FSD2: variants seen among roughly 807,000 people sequenced by gnomAD.
The protein encoded by FSD2 is fibronectin type III and SPRY domain-containing protein 2.
FSD2 carries 71 observed loss-of-function variants against 80.4 expected under a neutral mutation model. The ratio of observed to expected loss-of-function variants is 0.88; its 90% CI spans 0.73 to 1.08. The LOEUF (loss-of-function observed/expected upper bound fraction) is 1.08, where lower values mean the gene tolerates loss of function less well. Ranked by LOEUF, FSD2 falls within the 50% of genes least tolerant of loss-of-function variation. The probability of loss-of-function intolerance (pLI) is 0.00; values close to 1 mark genes in which losing one functional copy is unlikely to be tolerated. For synonymous variants in FSD2, 361 were observed against 329.5 expected (o/e 1.10, Z -1.03); for missense variants, 923 against 913.8 (o/e 1.01, Z -0.13).
chr15:82,797,241 C>T (rs2050297734), intron 1 of FSD2, among the ~76,000 whole-genome samples: 1 of 152,142 alleles, frequency 6.6e-6, no homozygotes, highest in Non-Finnish European at 1.5e-5. Flanking sequence ...CATGATAGAT[C>T]ACTATGTACT....
At chr15:82,794,843 G>C (rs1311322096) in intron 1 of FSD2, among the ~76,000 whole-genome samples, 3 of 151,526 alleles carry the variant, frequency 2.0e-5, no homozygotes, top group Admixed American at 6.6e-5. Context: ...TCCTGCCTCA[G>C]CCTCCCGAGT....
intron 8 of FSD2, 116 bp downstream of exon 8, chr15:82,769,634 A>C: frequency 2.4e-6 from 3 of 1,259,206 alleles, no homozygotes; most frequent in Non-Finnish European, 3.2e-6. Context: ...AAAAAAATGT[A>C]CACAGCTCTT....
intron 11 of FSD2, among the ~76,000 whole-genome samples, chr15:82,764,156 G>A (rs577983144): frequency 2.0e-4 from 30 of 152,268 alleles, no homozygotes; most frequent in African/African-American, 6.7e-4. Context: ...ACAGGGTCTG[G>A]GGGCAGGGAA....
intron 1 of FSD2, among the ~76,000 whole-genome samples, chr15:82,802,587 G>C (rs1348507242): frequency 1.3e-5 from 2 of 152,170 alleles, no homozygotes; most frequent in African/African-American, 2.4e-5. Context: ...CATGGGGGAG[G>C]AAGAGTAGGA....
chr15:82,767,262 G>A (rs1857677194), intron 9 of FSD2, among the ~76,000 whole-genome samples: 1 of 152,192 alleles, frequency 6.6e-6, no homozygotes, highest in Non-Finnish European at 1.5e-5. Flanking sequence ...TAATGGTGGG[G>A]GCAGGATGGC....
intron 1 of FSD2, among the ~76,000 whole-genome samples, chr15:82,791,956 T>C (rs2050162641): frequency 6.6e-6 from 1 of 152,260 alleles, no homozygotes; most frequent in South Asian, 2.1e-4. Context: ...GTTGTATGGA[T>C]ATGCCATATT....
chr15:82,764,492 C>CTTTTTTTTTT (rs60095355), intron 11 of FSD2, among the ~76,000 whole-genome samples: 5,876 of 85,312 alleles, frequency 0.069, 814 homozygotes, highest in East Asian at 0.1. Context: ...TCTTTACTTG[C>CTTTTTTTTTT]TTTTTTTTTT....
intron 3 of FSD2, among the ~76,000 whole-genome samples, chr15:82,783,361 A>G (rs1253634968): frequency 6.6e-6 from 1 of 152,140 alleles, no homozygotes; most frequent in Non-Finnish European, 1.5e-5. Context: ...AGCCTCCCAA[A>G]GTGTTGGGAT....
intron 1 of FSD2, among the ~76,000 whole-genome samples, 177 bp downstream of exon 1, chr15:82,805,789 G>A (rs1015041632): frequency 6.6e-6 from 1 of 152,138 alleles, no homozygotes; most frequent in Admixed American, 6.5e-5. Context: ...CAGTTAATGC[G>A]AATTCTTGCT....
intron 1 of FSD2, among the ~76,000 whole-genome samples, chr15:82,799,059 G>C (rs2050349073): frequency 6.6e-6 from 1 of 151,706 alleles, no homozygotes. Flanking sequence ...TGTAATTTTT[G>C]TAGAGACACG....
At chr15:82,776,954 A>G (rs2049726707) in intron 6 of FSD2, among the ~76,000 whole-genome samples, 1 of 152,238 alleles carries the variant, frequency 6.6e-6, no homozygotes, top group Non-Finnish European at 1.5e-5. Context: ...TAAGGGTGAC[A>G]AGAACACACA....
intron 3 of FSD2, among the ~76,000 whole-genome samples, chr15:82,784,448 A>G (rs1001777081): frequency 6.6e-6 from 1 of 151,980 alleles, no homozygotes; most frequent in Non-Finnish European, 1.5e-5. Context: ...GGGTTTCACC[A>G]TCTTGGCTAG....
chr15:82,786,970 C>T lies in FSD2; in HGVS notation c.421G>A (p.Gly141Ser). The change falls in exon 2 of 13, where the codon GGC becomes AGC. Residue 141 changes from glycine (G) to serine (S), a missense_variant. Coordinates refer to ENST00000334574, the MANE Select transcript of FSD2 (RefSeq NM_001007122.4). ...DLGFGGWGSA[G>S]QCQDLREAYR... ...GCTTCCCGCAAGTCCTGGCACTGGC[C>T]TGCTGAGCCCCACCCTCCGAAGCCC... The T allele has an allele frequency of 1.2e-6, 2 of 1,614,012 alleles. No individual in the cohort carries two copies. Among genetic ancestry groups the T allele is most frequent in the Non-Finnish European group, 1.7e-6 (2 of 1,179,874 alleles).
chr15:82,791,780 C>T (rs2050157720), intron 1 of FSD2, among the ~76,000 whole-genome samples: 1 of 152,188 alleles, frequency 6.6e-6, no homozygotes, highest in Non-Finnish European at 1.5e-5. Context: ...AATCTACTTT[C>T]TGTCTCTATT....
At chr15:82,805,918 C>T (rs1479710690) in intron 1 of FSD2, 48 bp downstream of exon 1, 1 of 152,228 alleles carries the variant, frequency 6.6e-6, no homozygotes, top group African/African-American at 2.4e-5. Flanking sequence ...CATTGAGTTT[C>T]TAATAATACA....
rs188142222 is a variant in FSD2 at position 82,804,266 on chromosome 15, C to T, written c.-79+1700G>A. Among the ~76,000 whole-genome samples the T allele has an allele frequency of 1.5e-3, 235 of 152,218 alleles. 1 individual carries two copies. Among genetic ancestry groups the T allele is most frequent in the African/African-American group, 5.3e-3 (220 of 41,550 alleles). ...AGACATCAGCTATGAGATCATTCCT[C>T]TCCCAGGGGGCCCAGGCAGAGATAT... is the stretch of plus-strand genomic sequence containing the variant. On this transcript the variant is annotated intron_variant, in intron 1 of 12. Transcript: ENST00000334574.
chr15:82,789,103 C>T (rs1332043666), intron 1 of FSD2, among the ~76,000 whole-genome samples: 3 of 151,828 alleles, frequency 2.0e-5, no homozygotes, highest in African/African-American at 7.3e-5. Flanking sequence ...TGTAAAAATG[C>T]CCACTACAGA....
intron 4 of FSD2, among the ~76,000 whole-genome samples, chr15:82,781,693 A>T (rs992881857): frequency 6.6e-6 from 1 of 152,102 alleles, no homozygotes; most frequent in Non-Finnish European, 1.5e-5. Context: ...TGGGAAATTT[A>T]AGGTGCCTTT....
At chr15:82,765,326 C>T (rs868214491) in intron 10 of FSD2, 28 bp from the exon 11 acceptor site, 1 of 1,612,328 alleles carries the variant, frequency 6.2e-7, no homozygotes, top group Admixed American at 1.7e-5. Context: ...CACAGAAGAC[C>T]CGCAGCCAAT....
Sources: allele counts gnomAD v4.1 joint callset (sites outside exome capture counted in the v4.1 genomes callset), GRCh38; gene constraint gnomAD v4.1.1; transcripts MANE v1.5; gene names NCBI Gene and HGNC (gene_info 2026-07-23, HGNC 2026-07-21).